RNGTT: variants seen among roughly 807,000 people sequenced by gnomAD.
The protein encoded by RNGTT is mRNA-capping enzyme.
In RNGTT, 33 loss-of-function variants were observed where a neutral mutation model predicts 79.3. The ratio of observed to expected loss-of-function variants is 0.42; its 90% CI spans 0.32 to 0.56. The LOEUF (loss-of-function observed/expected upper bound fraction) is 0.56, where lower values mean the gene tolerates loss of function less well. RNGTT is among the 20% of genes least tolerant of loss of function. The pLI is 0.17. For missense variants in RNGTT, 497 were observed against 739.1 expected, an observed-to-expected ratio of 0.67 and a Z score of 3.80; for synonymous variants, 222 against 235.9, an observed-to-expected ratio of 0.94 and a Z score of 0.54.
At chr6:88,782,486 C>A (rs1717587897) in intron 12 of RNGTT, among the ~76,000 whole-genome samples, 1 of 151,978 alleles carries the variant, frequency 6.6e-6, no homozygotes, top group Admixed American at 6.6e-5. Flanking sequence ...TGACACTGGT[C>A]TTGGCAACTA....
chr6:88,617,922 A>G (rs2127764624), intron 14 of RNGTT, among the ~76,000 whole-genome samples: 1 of 152,246 alleles, frequency 6.6e-6, no homozygotes, highest in African/African-American at 2.4e-5. Context: ...TGACATAGGA[A>G]GGCTGACTTT....
At chr6:88,826,799 A>ATAT (rs1243384941) in intron 11 of RNGTT, among the ~76,000 whole-genome samples, 1,417 of 126,914 alleles carry the variant, frequency 0.011, 40 homozygotes, top group African/African-American at 0.04. Flanking sequence ...AAAAAAAAAA[A>ATAT]ATATATATAT....
At chr6:88,737,658 C>T (rs1268570545) in intron 13 of RNGTT, among the ~76,000 whole-genome samples, 2 of 152,116 alleles carry the variant, frequency 1.3e-5, no homozygotes, top group Non-Finnish European at 2.9e-5. Flanking sequence ...GAGTGTTTTC[C>T]TCCTCCCCTT....
rs1771970861 is a variant in RNGTT, at chr6:88,610,159, T to C, written c.*2560A>G. ...GGCTTTCCAAGTCTTTATGCTAATC[T>C]CTACAAAGCCAGATGGATTACACTG... On this transcript the variant is annotated 3_prime_UTR_variant, in exon 16 of 16. Transcript: ENST00000369485. 6.6e-6 allele frequency: 1 copy of C among 152,564 alleles called. No individual in the cohort carries two copies. Among genetic ancestry groups the C allele is most frequent in the East Asian group, 1.9e-4 (1 of 5,198 alleles). The allele number at this position is 152,564 out of a possible 1,614,324, so 9.5% of individuals were successfully genotyped here.
rs1195423340 is a variant in RNGTT at position 88,852,264 on chromosome 6, G to C, written c.1032+1365C>G. On this transcript the variant is annotated intron_variant, in intron 9 of 15. Transcript: ENST00000369485. The stretch of plus-strand genomic sequence containing the variant: ...CCCTCTAAGCAATACCCGTACTCTT[G>C]GTATAGCAACTCATAATAGGCACTC... 5.3e-5 allele frequency among the ~76,000 whole-genome samples: 8 copies of C among 151,840 alleles called. No individual in the cohort carries two copies. The East Asian group carries it at 1.6e-3, about 29-fold the overall frequency.
chr6:88,702,898 G>A (rs1480922461), intron 13 of RNGTT, among the ~76,000 whole-genome samples: 1 of 151,950 alleles, frequency 6.6e-6, no homozygotes, highest in East Asian at 1.9e-4. Context: ...AAAGATATGA[G>A]TAGAGATCTC....
chr6:88,666,683 T>C (rs949428589), intron 14 of RNGTT, among the ~76,000 whole-genome samples: 1 of 152,230 alleles, frequency 6.6e-6, no homozygotes, highest in African/African-American at 2.4e-5. Context: ...AAACCTTGGA[T>C]GTCTGTAGAC....
intron 11 of RNGTT, among the ~76,000 whole-genome samples, chr6:88,823,266 A>G (rs1780552406): frequency 6.6e-6 from 1 of 152,084 alleles, no homozygotes; most frequent in Admixed American, 6.6e-5. Context: ...CCCCGTCTCT[A>G]CTAAAAATAC....
chr6:88,638,783 T>C (rs1248970444), intron 14 of RNGTT, among the ~76,000 whole-genome samples: 1 of 152,196 alleles, frequency 6.6e-6, no homozygotes. Flanking sequence ...GGTACTTTAC[T>C]ATCTTTACAG....
intron 6 of RNGTT, among the ~76,000 whole-genome samples, chr6:88,895,176 A>T (rs1783192376): frequency 6.6e-6 from 1 of 152,084 alleles, no homozygotes. Context: ...TCCTTTAGAC[A>T]GAAATTTAGT....
At chr6:88,740,461 G>A (rs1190679866) in intron 13 of RNGTT, among the ~76,000 whole-genome samples, 1 of 152,006 alleles carries the variant, frequency 6.6e-6, no homozygotes, top group Non-Finnish European at 1.5e-5. Flanking sequence ...CAAGGCTGCA[G>A]TGAGCTGTGA....
chr6:88,721,027 T>C (rs558546605), intron 13 of RNGTT, among the ~76,000 whole-genome samples: 1 of 152,246 alleles, frequency 6.6e-6, no homozygotes, highest in East Asian at 1.9e-4. Flanking sequence ...TGAACCTCTT[T>C]CCCTCTTTGG....
intron 4 of RNGTT, among the ~76,000 whole-genome samples, chr6:88,907,390 T>C (rs1226038913): frequency 6.8e-6 from 1 of 147,396 alleles, no homozygotes; most frequent in African/African-American, 2.6e-5. Flanking sequence ...TCACATGCCC[T>C]CTCTCTCTCT....
chr6:88,880,336 G>C (rs913862070), intron 8 of RNGTT, among the ~76,000 whole-genome samples: 10 of 152,136 alleles, frequency 6.6e-5, no homozygotes, highest in African/African-American at 2.4e-4. Context: ...TACTTAAACA[G>C]ATGTGTTATA....
rs192956652 is a variant in RNGTT, at chr6:88,959,401, G to C, written c.64+3945C>G. 3.5e-3 allele frequency among the ~76,000 whole-genome samples: 536 copies of C among 152,222 alleles called. 2 individuals are homozygous for C. The highest frequency in any genetic ancestry group is 0.012 in the African/African-American group (502 of 41,544). ...AGATCTTTACTAAAGATCTCTATTT[G>C]AGCAATCAGGATCTTAATATCTCCT... is the stretch of plus-strand genomic sequence containing the variant. On this transcript the variant is annotated intron_variant, in intron 1 of 15. Coordinates refer to ENST00000369485, the MANE Select transcript of RNGTT (RefSeq NM_003800.5).
intron 12 of RNGTT, among the ~76,000 whole-genome samples, chr6:88,784,050 T>G (rs1004735328): frequency 2.0e-5 from 3 of 152,088 alleles, no homozygotes; most frequent in African/African-American, 7.2e-5. Flanking sequence ...AAGATGAAGT[T>G]CAGAGTGCTA....
At chr6:88,841,654 G>A (rs1306551007) in intron 11 of RNGTT, among the ~76,000 whole-genome samples, 4 of 152,152 alleles carry the variant, frequency 2.6e-5, no homozygotes, top group Non-Finnish European at 4.4e-5. Context: ...TGGATGCCAC[G>A]TGCAATTTTA....
intron 13 of RNGTT, among the ~76,000 whole-genome samples, chr6:88,755,474 A>C (rs561018590): frequency 2.7e-4 from 41 of 152,254 alleles, no homozygotes; most frequent in Middle Eastern, 3.4e-3. Flanking sequence ...ACAACGACAA[A>C]AAAAAACTAC....
At chr6:88,622,867 T>C (rs1178777417) in intron 14 of RNGTT, among the ~76,000 whole-genome samples, 1 of 152,102 alleles carries the variant, frequency 6.6e-6, no homozygotes, top group Non-Finnish European at 1.5e-5. Context: ...GTAAACAAGG[T>C]AGACACAGTC....
Sources: allele counts gnomAD v4.1 joint callset (sites outside exome capture counted in the v4.1 genomes callset), GRCh38; gene constraint gnomAD v4.1.1; transcripts MANE v1.5; gene names NCBI Gene and HGNC (gene_info 2026-07-23, HGNC 2026-07-21).